Variants in OXSR1 observed in about 807,000 individuals in gnomAD.
OXSR1 encodes oxidative stress responsive kinase 1.
A neutral mutation model predicts 79.8 loss-of-function variants in OXSR1; 24 were observed. The observed-to-expected ratio is 0.30, with a 90% CI of 0.22 to 0.42. The LOEUF (loss-of-function observed/expected upper bound fraction) is 0.42. Among genes scored for constraint, OXSR1 ranks in the 10% least tolerant of loss-of-function variants. The pLI, the probability that OXSR1 is intolerant of heterozygous loss-of-function variation, is 1.00. For synonymous variants in OXSR1, 226 were observed against 209.2 expected (o/e 1.08, Z -0.69); for missense variants, 430 against 618.4 (o/e 0.70, Z 3.23).
At chr3:38,218,480 TCCTTAA>T (rs926734995) in intron 5 of OXSR1, among the ~76,000 whole-genome samples, 3 of 152,234 alleles carry the variant, frequency 2.0e-5, no homozygotes, top group African/African-American at 7.2e-5. Flanking sequence ...GAGAAATGAC[TCCTTAA>T]TTCCTTTGCC....
At chr3:38,226,501 T>C (rs1702691143) in intron 8 of OXSR1, among the ~76,000 whole-genome samples, 1 of 151,840 alleles carries the variant, frequency 6.6e-6, no homozygotes, top group Non-Finnish European at 1.5e-5. Flanking sequence ...GAGTAGAGTA[T>C]GAAAAAGGAA....
At position 38,254,803 on chromosome 3, in the gene OXSR1, G is replaced by A. The variant is rs1248785733; in HGVS notation, c.*1912G>A. 1 of 152,156 alleles carries A rather than the reference G, an allele frequency of 6.6e-6. No homozygotes were observed. Among genetic ancestry groups the A allele is most frequent in the Non-Finnish European group, 1.5e-5 (1 of 67,958 alleles). 9.4% of individuals were successfully genotyped at this position (152,156 alleles called of 1,614,324 possible). A position where few individuals can be genotyped will look rare whatever the true frequency, so the allele number is the denominator to read the frequency against. On this transcript the variant is annotated 3_prime_UTR_variant, in exon 18 of 18. Transcript: ENST00000311806. ...TCACTCTGTTCTAGCATTCTTTGTG[G>A]AGATGGTCTGGTGCCTAGCTGGGAG...
In OXSR1 at chr3:38,165,972, G is replaced by T. The variant is rs781274129; in HGVS notation, c.70+26G>T. 4 of 1,598,224 alleles carry T rather than the reference G, an allele frequency of 2.5e-6. No homozygotes were observed. The South Asian group carries it at 4.4e-5, about 18-fold the overall frequency. The stretch of plus-strand genomic sequence containing the variant: ...GTGAGAGCAGGCGCTGCGGAGGGGG[G>T]AGGCGCGGCGCTGGGAGGCGGGGGA... On this transcript the variant is annotated intron_variant, in intron 1 of 17. Transcript: ENST00000311806.
At chr3:38,204,331 A>G (rs1460279669) in intron 4 of OXSR1, among the ~76,000 whole-genome samples, 2 of 151,988 alleles carry the variant, frequency 1.3e-5, no homozygotes, top group African/African-American at 2.4e-5. Context: ...GCTCTACCCA[A>G]CCGTGGTCCA....
Position 38,254,350 on chromosome 3 carries a change from G to T in OXSR1, c.*1459G>T. 1 of 396,858 alleles carries T rather than the reference G, an allele frequency of 2.5e-6. No individual in the cohort carries two copies. Among genetic ancestry groups the T allele is most frequent in the Non-Finnish European group, 4.4e-6 (1 of 225,196 alleles). The allele number at this position is 396,858 out of a possible 1,614,324, so 24.6% of individuals were successfully genotyped here. A position where few individuals can be genotyped will look rare whatever the true frequency, so the allele number is the denominator to read the frequency against. ...TGTCACACCTTTTGTTTCATTCTGA[G>T]TCTTTAGTTTTAGTCATGGGCTTTC... On this transcript the variant is annotated 3_prime_UTR_variant, in exon 18 of 18. Coordinates refer to ENST00000311806, the MANE Select transcript of OXSR1 (RefSeq NM_005109.3).
At chr3:38,169,217 A>G (rs931859212) in intron 1 of OXSR1, among the ~76,000 whole-genome samples, 1 of 151,670 alleles carries the variant, frequency 6.6e-6, no homozygotes. Context: ...TCATGTCCTT[A>G]TTTATTAGAC....
rs749182199 is a variant in OXSR1 at position 38,165,905 on chromosome 3, G to A, written c.29G>A (p.Trp10Ter). The change falls in exon 1 of 18, where the codon TGG becomes TAG. Residue 10 changes from tryptophan to a stop codon, truncating the protein, a stop_gained. Transcript: ENST00000311806. LOFTEE classifies it high-confidence loss of function. ...TCCGAGGACTCGAGCGCCCTGCCCT[G>A]GTCCATCAACAGGGACGATTACGAG... MSEDSSALP[W>*]SINRDDYELQ... 1 of 1,611,944 alleles carries A rather than the reference G, an allele frequency of 6.2e-7. No individual in the cohort carries two copies.
At chr3:38,222,395 A>G (rs1702606254) in intron 6 of OXSR1, among the ~76,000 whole-genome samples, 1 of 152,122 alleles carries the variant, frequency 6.6e-6, no homozygotes, top group African/African-American at 2.4e-5. Flanking sequence ...GCTGACACGG[A>G]ACCGAAATCT....
At chr3:38,201,455 A>C (rs957064037) in intron 4 of OXSR1, among the ~76,000 whole-genome samples, 1 of 152,058 alleles carries the variant, frequency 6.6e-6, no homozygotes, top group East Asian at 1.9e-4. Context: ...TCACGCCTGT[A>C]ATCCCAGCAC....
At chr3:38,234,687 C>G (rs1702882664) in intron 10 of OXSR1, among the ~76,000 whole-genome samples, 1 of 152,222 alleles carries the variant, frequency 6.6e-6, no homozygotes, top group African/African-American at 2.4e-5. Context: ...TCTGGCAGTT[C>G]CTCAGAAGCC....
chr3:38,234,492 G>C (rs933976840), intron 10 of OXSR1, among the ~76,000 whole-genome samples: 1 of 152,068 alleles, frequency 6.6e-6, no homozygotes, highest in African/African-American at 2.4e-5. Context: ...CACATGAAAA[G>C]ATACTCAGTA....
intron 5 of OXSR1, among the ~76,000 whole-genome samples, chr3:38,217,118 C>T (rs1702496414): frequency 6.6e-6 from 1 of 152,128 alleles, no homozygotes; most frequent in Non-Finnish European, 1.5e-5. Flanking sequence ...AGAAAACTGG[C>T]ATAGGCACTT....
intron 14 of OXSR1, among the ~76,000 whole-genome samples, chr3:38,249,637 C>T (rs1305566505): frequency 6.6e-6 from 1 of 151,984 alleles, no homozygotes; most frequent in South Asian, 2.1e-4. Flanking sequence ...ATCACACCTC[C>T]CTGTGCTCAT....
intron 12 of OXSR1, among the ~76,000 whole-genome samples, chr3:38,244,850 G>T (rs910971163): frequency 7.9e-5 from 12 of 152,046 alleles, no homozygotes; most frequent in African/African-American, 2.9e-4. Flanking sequence ...ACTTCTATTT[G>T]TAATTTTTTG....
At chr3:38,165,128 C>A (rs987610161), upstream of OXSR1, 1 of 152,302 alleles carries the variant, frequency 6.6e-6, no homozygotes, top group African/African-American at 2.4e-5. Flanking sequence ...GCGCTAAGAG[C>A]CTGGAGGCGG....
chr3:38,198,985 G>A, intron 4 of OXSR1, 122 bp downstream of exon 4: 1 of 715,204 alleles, frequency 1.4e-6, no homozygotes. Flanking sequence ...AGTACACTGT[G>A]GTTAGAGTCT....
chr3:38,216,930 T>C (rs1236502888), intron 5 of OXSR1, among the ~76,000 whole-genome samples: 1 of 152,166 alleles, frequency 6.6e-6, no homozygotes, highest in Non-Finnish European at 1.5e-5. Flanking sequence ...TTGACTCCTT[T>C]AAAATGAGCA....
chr3:38,169,739 TTTTC>T lies in OXSR1; in HGVS notation c.70+3801_70+3804del, dbSNP rs560309546. Among the ~76,000 whole-genome samples the T allele has an allele frequency of 2.4e-4, 37 of 151,992 alleles. 2 individuals are homozygous for T. Among genetic ancestry groups the T allele is most frequent in the South Asian group, 8.3e-4 (4 of 4,820 alleles). On this transcript the variant is annotated intron_variant, in intron 1 of 17. Transcript: ENST00000311806. ...GTCTGTAGTTTTTTTTTTCTTCTCA[TTTTC>T]TTTCTTTTTTTTTGAGACAGTCTTA...
chr3:38,164,162 T>C (rs540835755), upstream of OXSR1, among the ~76,000 whole-genome samples: 63 of 152,242 alleles, frequency 4.1e-4, no homozygotes, highest in African/African-American at 1.5e-3. Context: ...TGGGCCTAGG[T>C]GAAGGTCTCT....
Sources: allele counts gnomAD v4.1 joint callset (sites outside exome capture counted in the v4.1 genomes callset), GRCh38; gene constraint gnomAD v4.1.1; transcripts MANE v1.5; gene names NCBI Gene and HGNC (gene_info 2026-07-23, HGNC 2026-07-21).